GABRB2: variants seen among roughly 807,000 people sequenced by gnomAD.
The protein encoded by GABRB2 is gamma-aminobutyric acid receptor subunit beta-2.
Under a neutral mutation model 54.7 loss-of-function variants are expected in GABRB2, and 16 were observed. The ratio of observed to expected loss-of-function variants is 0.29; its 90% confidence interval spans 0.20 to 0.44. GABRB2 has a LOEUF of 0.44. Ranked by LOEUF, GABRB2 falls within the 20% of genes least tolerant of loss-of-function variation. The pLI, the probability that GABRB2 is intolerant of heterozygous loss-of-function variation, is 1.00. For synonymous variants in GABRB2, 244 were observed against 233.8 expected (o/e 1.04, Z -0.40); for missense variants, 355 against 644.0 (o/e 0.55, Z 4.86).
chr5:161,438,646 C>T (rs1390020371), intron 4 of GABRB2, among the ~76,000 whole-genome samples: 1 of 151,932 alleles, frequency 6.6e-6, no homozygotes, highest in Non-Finnish European at 1.5e-5. Flanking sequence ...CAAAGAAATT[C>T]AAGATAACAC....
At chr5:161,496,464 C>A (rs975272881) in intron 3 of GABRB2, among the ~76,000 whole-genome samples, 1 of 149,344 alleles carries the variant, frequency 6.7e-6, no homozygotes, top group Admixed American at 6.7e-5. Context: ...TTATGTTATA[C>A]ATGATAAATA....
intron 3 of GABRB2, among the ~76,000 whole-genome samples, chr5:161,521,717 CAG>C (rs1180367053): frequency 3.3e-5 from 5 of 151,820 alleles, no homozygotes; most frequent in African/African-American, 1.2e-4. Flanking sequence ...ACTGGTAAAA[CAG>C]AGTAAAGTTC....
chr5:161,516,468 T>A (rs924033571), intron 3 of GABRB2, among the ~76,000 whole-genome samples: 1 of 152,096 alleles, frequency 6.6e-6, no homozygotes, highest in Non-Finnish European at 1.5e-5. Context: ...ACTCCTTCTA[T>A]GCCCGTATTA....
rs57673547 is a variant in GABRB2, at chr5:161,460,268, ATGTGTG to A, written c.238-430_238-425del. Among the ~76,000 whole-genome samples, 534 of 148,652 alleles carry A rather than the reference ATGTGTG, an allele frequency of 3.6e-3. 1 individual carries two copies. Among genetic ancestry groups the A allele is most frequent in the South Asian group, 7.3e-3 (34 of 4,632 alleles). ...GCCAAGAAAACAAATTTATATATATATGTGTGTGTGTGTGTGTGTGTGTGTGTGTGT... is the reference window on the plus strand; with the variant it reads ...GCCAAGAAAACAAATTTATATATATATGTGTGTGTGTGTGTGTGTGTGTGT... On this transcript the variant is annotated intron_variant, in intron 3 of 9. Transcript: ENST00000393959.
At position 161,426,114 on chromosome 5, in the gene GABRB2, C is replaced by G. The variant is rs534104654; in HGVS notation, c.459-15057G>C. 1.6e-4 allele frequency among the ~76,000 whole-genome samples: 24 copies of G among 152,216 alleles called. 1 individual carries two copies. In the South Asian group the frequency reaches 4.6e-3, roughly 29 times the overall value. On this transcript the variant is annotated intron_variant, in intron 4 of 9. Coordinates refer to ENST00000393959, the MANE Select transcript of GABRB2 (RefSeq NM_001371727.1). ...GTTAGGTAAAGGAACGTAAGTTTGT[C>G]ATGCACACAGGCACCGAGGGCAAGA...
At chr5:161,520,896 A>T (rs1760093018) in intron 3 of GABRB2, among the ~76,000 whole-genome samples, 1 of 152,140 alleles carries the variant, frequency 6.6e-6, no homozygotes, top group South Asian at 2.1e-4. Context: ...TGATCAATAC[A>T]TCTTGCCAAC....
chr5:161,358,256 C>T (rs916613265), intron 5 of GABRB2, among the ~76,000 whole-genome samples: 10 of 152,110 alleles, frequency 6.6e-5, no homozygotes, highest in African/African-American at 2.4e-4. Flanking sequence ...CCTGCTAGAA[C>T]AGATCATGCA....
intron 3 of GABRB2, among the ~76,000 whole-genome samples, chr5:161,541,531 CTGCATAAAT>C (rs1431473306): frequency 6.6e-6 from 1 of 152,220 alleles, no homozygotes; most frequent in African/African-American, 2.4e-5. Flanking sequence ...CTTGCATCTT[CTGCATAAAT>C]TGCTGTAGCT....
intron 3 of GABRB2, among the ~76,000 whole-genome samples, chr5:161,530,392 G>A (rs1166201441): frequency 6.6e-6 from 1 of 152,056 alleles, no homozygotes; most frequent in Non-Finnish European, 1.5e-5. Flanking sequence ...ACAAGATAAA[G>A]CCATTTTAAA....
At chr5:161,319,169 C>A (rs946227001) in intron 9 of GABRB2, among the ~76,000 whole-genome samples, 1 of 149,724 alleles carries the variant, frequency 6.7e-6, no homozygotes, top group Non-Finnish European at 1.5e-5. Flanking sequence ...TGGCGGGCAT[C>A]CATTTCTTGT....
At chr5:161,319,048 T>C (rs1021451952) in intron 9 of GABRB2, among the ~76,000 whole-genome samples, 15 of 151,828 alleles carry the variant, frequency 9.9e-5, no homozygotes, top group Non-Finnish European at 5.9e-5. Context: ...AAATTGTCGT[T>C]GTTCCTGTTT....
intron 7 of GABRB2, among the ~76,000 whole-genome samples, 154 bp downstream of exon 7, chr5:161,334,598 C>T (rs568943921): frequency 1.6e-4 from 24 of 152,306 alleles, no homozygotes; most frequent in East Asian, 9.6e-4. Flanking sequence ...AATGCTGAAT[C>T]AGATCACCCA....
intron 4 of GABRB2, among the ~76,000 whole-genome samples, chr5:161,425,539 T>G (rs1399146047): frequency 1.3e-5 from 2 of 152,108 alleles, no homozygotes; most frequent in African/African-American, 4.8e-5. Context: ...TTATTTTTAT[T>G]AAATATAATG....
At chr5:161,396,794 T>TA (rs1166813848) in intron 5 of GABRB2, among the ~76,000 whole-genome samples, 2 of 152,166 alleles carry the variant, frequency 1.3e-5, no homozygotes, top group African/African-American at 2.4e-5. Flanking sequence ...AATAAAGTTA[T>TA]AAAAAATAGC....
intron 5 of GABRB2, among the ~76,000 whole-genome samples, chr5:161,363,134 C>T (rs1754864763): frequency 6.6e-6 from 1 of 152,126 alleles, no homozygotes; most frequent in Non-Finnish European, 1.5e-5. Flanking sequence ...AACCCAAATG[C>T]CCATCAACGA....
intron 3 of GABRB2, among the ~76,000 whole-genome samples, chr5:161,526,538 G>GA (rs1483047579): frequency 6.6e-6 from 1 of 151,148 alleles, no homozygotes; most frequent in Non-Finnish European, 1.5e-5. Context: ...AGCATGTGCT[G>GA]ATGATTTGGC....
chr5:161,392,403 C>A (rs555931865), intron 5 of GABRB2, among the ~76,000 whole-genome samples: 3 of 152,224 alleles, frequency 2.0e-5, no homozygotes, highest in South Asian at 4.2e-4. Context: ...TGGTATAACG[C>A]CTCCATTCTT....
chr5:161,333,612 A>G (rs73316976), intron 7 of GABRB2, among the ~76,000 whole-genome samples: 26,387 of 152,084 alleles, frequency 0.17, 3,564 homozygotes, highest in African/African-American at 0.36. Flanking sequence ...GTGGCCTACC[A>G]TCCCTTTGTA....
chr5:161,496,063 G>A (rs1020922807), intron 3 of GABRB2, among the ~76,000 whole-genome samples: 3 of 152,178 alleles, frequency 2.0e-5, no homozygotes, highest in South Asian at 2.1e-4. Flanking sequence ...TACCATCTCC[G>A]CTTTCTGAGG....
Sources: gnomAD v4.1 joint callset for allele counts (sites outside exome capture counted in the v4.1 genomes callset) on GRCh38, gnomAD v4.1.1 for gene constraint, MANE v1.5 for transcripts, NCBI Gene and HGNC (gene_info 2026-07-23, HGNC 2026-07-21) for gene names.